Variants in LPA observed in about 807,000 individuals in gnomAD.
LPA encodes the protein apolipoprotein(a).
A neutral mutation model predicts 197.9 loss-of-function variants in LPA; 199 were observed. The observed-to-expected ratio is 1.01, with a 90% CI of 0.90 to 1.13. The LOEUF is 1.13. LPA is among the 50% of genes most tolerant of loss of function. The pLI is 0.00. For missense variants in LPA, 1,853 were observed against 1,785.8 expected (o/e 1.04, Z -0.68); for synonymous variants, 715 against 639.5 (o/e 1.12, Z -1.78).
chr6:160,586,424 G>T (rs368972938), intron 25 of LPA, 25 bp downstream of exon 25: 3 of 1,611,940 alleles, frequency 1.9e-6, no homozygotes, highest in East Asian at 2.2e-5. Flanking sequence ...CCGAGGGTAT[G>T]GTTGTCTGAC....
intron 28 of LPA, among the ~76,000 whole-genome samples, chr6:160,558,064 C>T (rs1022388824): frequency 1.3e-5 from 2 of 151,896 alleles, no homozygotes; most frequent in African/African-American, 2.4e-5. Flanking sequence ...GGACTACAGG[C>T]GCCCGCCACC....
At chr6:160,580,927 T>A (rs993628868) in intron 26 of LPA, among the ~76,000 whole-genome samples, 2 of 152,214 alleles carry the variant, frequency 1.3e-5, no homozygotes, top group Non-Finnish European at 2.9e-5. Context: ...GTCCACATTA[T>A]CATTTGTTTT....
At chr6:160,610,960 C>T (rs1468741378) in intron 16 of LPA, among the ~76,000 whole-genome samples, 7 of 152,136 alleles carry the variant, frequency 4.6e-5, no homozygotes, top group Non-Finnish European at 1.0e-4. Context: ...GGGCTTCTAT[C>T]CATCTACCCA....
intron 28 of LPA, among the ~76,000 whole-genome samples, chr6:160,575,085 C>A (rs1264247572): frequency 1.3e-5 from 2 of 152,066 alleles, no homozygotes; most frequent in Non-Finnish European, 2.9e-5. Context: ...TCCTAGCTTT[C>A]TTTGATTTTA....
intron 19 of LPA, among the ~76,000 whole-genome samples, chr6:160,600,505 C>G (rs9347419): frequency 6.6e-6 from 1 of 152,136 alleles, no homozygotes; most frequent in Admixed American, 6.5e-5. Context: ...ATAACAGGAT[C>G]TAGAGCCACA....
At chr6:160,536,081 C>T (rs1021304991) in intron 37 of LPA, among the ~76,000 whole-genome samples, 4 of 152,192 alleles carry the variant, frequency 2.6e-5, no homozygotes, top group Non-Finnish European at 5.9e-5. Flanking sequence ...AGGGGCAGGA[C>T]TGTGACCCAA....
chr6:160,589,969 G>T (rs1245937926), intron 23 of LPA, among the ~76,000 whole-genome samples: 1 of 152,212 alleles, frequency 6.6e-6, no homozygotes, highest in African/African-American at 2.4e-5. Flanking sequence ...AGTCAAAATT[G>T]CACTCATGTG....
chr6:160,610,729 G>T, intron 16 of LPA, among the ~76,000 whole-genome samples: 1 of 152,236 alleles, frequency 6.6e-6, no homozygotes, highest in East Asian at 1.9e-4. Flanking sequence ...CCTCTGCTCA[G>T]CTAGATGGCT....
intron 2 of LPA, among the ~76,000 whole-genome samples, chr6:160,647,623 A>C (rs1011664025): frequency 1.3e-5 from 2 of 152,204 alleles, no homozygotes; most frequent in African/African-American, 4.8e-5. Flanking sequence ...CCTCAGAGTT[A>C]AAAACTTTGT....
At chr6:160,658,416 T>C (rs1253252738) in intron 1 of LPA, among the ~76,000 whole-genome samples, 1 of 152,198 alleles carries the variant, frequency 6.6e-6, no homozygotes, top group Non-Finnish European at 1.5e-5. Context: ...AAAACTCTCA[T>C]TCAGGGCAAT....
intron 37 of LPA, among the ~76,000 whole-genome samples, chr6:160,533,376 C>A (rs1401077502): frequency 1.3e-5 from 2 of 152,176 alleles, no homozygotes; most frequent in Non-Finnish European, 2.9e-5. Flanking sequence ...TCACAACGGT[C>A]CTATGAAACA....
rs41272108 is a variant in LPA, at chr6:160,585,484, G to A, written c.4130-279C>T. Among the ~76,000 whole-genome samples, 885 of 152,250 alleles carry A rather than the reference G, an allele frequency of 5.8e-3. 4 individuals carry two copies. Among genetic ancestry groups the A allele is most frequent in the Middle Eastern group, 0.01 (3 of 294 alleles). On this transcript the variant is annotated intron_variant, in intron 25 of 38. Coordinates refer to ENST00000316300, the MANE Select transcript of LPA (RefSeq NM_005577.4). Reference sequence around the variant, plus strand: ...GCCTATACTTCAAAATTACACTCATGTGAATGGTCTTTTGCTTACACCTCT... The same window carrying A: ...GCCTATACTTCAAAATTACACTCATATGAATGGTCTTTTGCTTACACCTCT...
chr6:160,647,301 GC>G (rs2115094255), intron 2 of LPA, among the ~76,000 whole-genome samples: 1 of 152,294 alleles, frequency 6.6e-6, no homozygotes, highest in South Asian at 2.1e-4. Context: ...AGGAGTTTGG[GC>G]TGCGGGGATC....
intron 17 of LPA, among the ~76,000 whole-genome samples, chr6:160,606,251 C>A (rs1220127149): frequency 2.0e-5 from 3 of 152,128 alleles, no homozygotes; most frequent in Admixed American, 1.3e-4. Flanking sequence ...AGTCGATCAC[C>A]CTGGAGGGTT....
chr6:160,658,686 G>C (rs1780170848), intron 1 of LPA, among the ~76,000 whole-genome samples: 1 of 152,144 alleles, frequency 6.6e-6, no homozygotes, highest in East Asian at 1.9e-4. Flanking sequence ...AGTACTATCA[G>C]TGTTCTCCAT....
chr6:160,635,367 T>A, intron 6 of LPA, 63 bp from the exon 7 acceptor site: 2 of 715,460 alleles, frequency 2.8e-6, no homozygotes, highest in Non-Finnish European at 4.3e-6. Flanking sequence ...CACCCCACAC[T>A]CTCTCCTTTG....
rs914304081 is a variant in LPA at position 160,600,807 on chromosome 6, A to T, written c.3127+110T>A. ...GCTTCCTCCCACATGGCAGACCCAG[A>T]ACCAACACACGAGAACCAGTGTAGC... is the stretch of plus-strand genomic sequence containing the variant. On this transcript the variant is annotated intron_variant, in intron 19 of 38. Transcript: ENST00000316300. The T allele has an allele frequency of 2.3e-6, 3 of 1,279,644 alleles. No individual in the cohort carries two copies. The African/African-American group carries it at 4.4e-5, about 19-fold the overall frequency. The allele number at this position is 1,279,644 out of a possible 1,614,324, so 79.3% of individuals were successfully genotyped here. A position where few individuals can be genotyped will look rare whatever the true frequency, so the allele number is the denominator to read the frequency against.
chr6:160,595,457 C>A lies in LPA; in HGVS notation c.3366G>T (p.Arg1122Ser), dbSNP rs747719861. The A allele has an allele frequency of 6.2e-7, 1 of 1,613,882 alleles. No individual in the cohort carries two copies. The highest frequency in any genetic ancestry group is 8.5e-7 in the Non-Finnish European group (1 of 1,179,930). The stretch of plus-strand genomic sequence containing the variant: ...ATTGTGTCAGGTTGCAGTACTCCCA[C>A]CTGACACTGGGATCCATGGTGTAAC... ...PWCYTMDPSV[R>S]WEYCNLTQCL... Residue 1122 changes from arginine (R) to serine (S), a missense_variant, in exon 21 of 39, where the codon AGG becomes AGT. By Grantham distance (110) the Arg-to-Ser change is moderately radical. Coordinates refer to ENST00000316300, the MANE Select transcript of LPA (RefSeq NM_005577.4).
At chr6:160,608,986 T>C (rs1030938253) in intron 16 of LPA, among the ~76,000 whole-genome samples, 2 of 152,158 alleles carry the variant, frequency 1.3e-5, no homozygotes, top group South Asian at 2.1e-4. Context: ...TAATTTTTTC[T>C]TTTAAGACAT....
Sources: allele counts gnomAD v4.1 joint callset (sites outside exome capture counted in the v4.1 genomes callset), GRCh38; gene constraint gnomAD v4.1.1; transcripts MANE v1.5; gene names NCBI Gene and HGNC (gene_info 2026-07-23, HGNC 2026-07-21).